The following RAD54B variants were observed in gnomAD, a reference collection of about 807,000 sequenced individuals.
The protein encoded by RAD54B is RAD54 homolog B, also known as DNA repair and recombination protein RAD54B.
In RAD54B, 78 loss-of-function variants were observed where a neutral mutation model predicts 95.8. That is an observed-to-expected ratio of 0.81 (90% CI 0.68 to 0.98). The LOEUF (loss-of-function observed/expected upper bound fraction) is 0.98, where lower values mean the gene tolerates loss of function less well. RAD54B is among the 50% of genes least tolerant of loss of function. The probability of loss-of-function intolerance (pLI) is 0.00; values close to 1 mark genes in which losing one functional copy is unlikely to be tolerated. For missense variants in RAD54B, 957 were observed against 1,056.6 expected (o/e 0.91, Z 1.31); for synonymous variants, 328 against 354.9 (o/e 0.92, Z 0.85).
intron 8 of RAD54B, among the ~76,000 whole-genome samples, chr8:94,395,611 G>C (rs761734768): frequency 6.6e-6 from 1 of 152,144 alleles, no homozygotes; most frequent in Non-Finnish European, 1.5e-5. Context: ...CAGAAAAGGA[G>C]AGCTAGAAAG....
intron 3 of RAD54B, chr8:94,429,614 C>A (rs1416125913): frequency 2.0e-6 from 2 of 983,368 alleles, no homozygotes; most frequent in African/African-American, 3.5e-5. Context: ...GATGTGTTTA[C>A]TAGAATTATA....
intron 10 of RAD54B, among the ~76,000 whole-genome samples, chr8:94,388,352 CT>C: frequency 6.6e-6 from 1 of 152,194 alleles, no homozygotes; most frequent in South Asian, 2.1e-4. Flanking sequence ...ATAACATTTT[CT>C]TTTTATAGCT....
Position 94,467,488 on chromosome 8 carries a change from G to GT in RAD54B, c.51dup (p.Pro18ThrfsTer10). 6.2e-7 allele frequency: 1 copy of GT among 1,613,650 alleles called. No individual in the cohort carries two copies. The highest frequency in any genetic ancestry group is 8.5e-7 in the Non-Finnish European group (1 of 1,179,950). On this transcript the variant is annotated frameshift_variant, in exon 2 of 15. Coordinates refer to ENST00000336148, the MANE Select transcript of RAD54B (RefSeq NM_012415.3). LOFTEE classifies it high-confidence loss of function. Reference sequence around the variant, plus strand: ...CTTCTTCCTGGAGGTATAAATTTTGGTTTTTTGAAGGAATTCCCCTGCAAC... The same window carrying GT: ...CTTCTTCCTGGAGGTATAAATTTTGGTTTTTTTGAAGGAATTCCCCTGCAAC...
At chr8:94,436,612 T>G in intron 3 of RAD54B, 2 of 1,550,578 alleles carry the variant, frequency 1.3e-6, no homozygotes, top group East Asian at 4.9e-5. Flanking sequence ...GGTCTCTTTT[T>G]GCTGCAATAG....
chr8:94,435,967 T>C (rs1339403294), intron 3 of RAD54B, among the ~76,000 whole-genome samples: 1 of 152,148 alleles, frequency 6.6e-6, no homozygotes, highest in Non-Finnish European at 1.5e-5. Context: ...TGTCTTCATA[T>C]ACACAATCAT....
At chr8:94,444,674 T>C (rs537279860) in intron 3 of RAD54B, among the ~76,000 whole-genome samples, 1 of 152,282 alleles carries the variant, frequency 6.6e-6, no homozygotes, top group South Asian at 2.1e-4. Context: ...AGCCTCCTTT[T>C]GAGCTCCAGT....
intron 3 of RAD54B, among the ~76,000 whole-genome samples, chr8:94,435,403 GT>G (rs1249855187): frequency 6.6e-6 from 1 of 151,932 alleles, no homozygotes; most frequent in Non-Finnish European, 1.5e-5. Flanking sequence ...CTACAAAGTG[GT>G]TTTTTTCTGC....
intron 4 of RAD54B, among the ~76,000 whole-genome samples, chr8:94,410,865 T>C (rs1045224415): frequency 2.0e-5 from 3 of 152,256 alleles, no homozygotes; most frequent in African/African-American, 7.2e-5. Context: ...TAACTATATA[T>C]AGCTGGCTGG....
In RAD54B at chr8:94,411,316, CT is replaced by C; in HGVS notation, c.305-2del. 1 of 1,547,912 alleles carries C rather than the reference CT, an allele frequency of 6.5e-7. No individual in the cohort carries two copies. The highest frequency in any genetic ancestry group is 8.6e-7 in the Non-Finnish European group (1 of 1,157,742). The stretch of plus-strand genomic sequence containing the variant: ...GCTACTTCTTTAGGAGCCGAATGAA[CT>C]ACAATTAAAAAAAAAACACACATTA... On this transcript the variant is annotated splice_acceptor_variant, in intron 3 of 14. Coordinates refer to ENST00000336148, the MANE Select transcript of RAD54B (RefSeq NM_012415.3). LOFTEE classifies it high-confidence loss of function.
At chr8:94,407,386 A>G in intron 5 of RAD54B, 53 bp downstream of exon 5, 4 of 1,513,990 alleles carry the variant, frequency 2.6e-6, no homozygotes, top group African/African-American at 2.8e-5. Context: ...TTCACACACA[A>G]AAAACATTTT....
chr8:94,472,801 T>C (rs1037893350), intron 1 of RAD54B, among the ~76,000 whole-genome samples: 11 of 152,220 alleles, frequency 7.2e-5, no homozygotes, highest in Non-Finnish European at 1.6e-4. Flanking sequence ...ATGCTAAAAT[T>C]TCTTTCAACA....
chr8:94,458,173 T>C (rs1294844535), intron 3 of RAD54B, 95 bp downstream of exon 3: 3 of 1,215,558 alleles, frequency 2.5e-6, no homozygotes, highest in Non-Finnish European at 3.4e-6. Context: ...ATCAACAATT[T>C]TCTAATATAA....
intron 11 of RAD54B, among the ~76,000 whole-genome samples, chr8:94,382,367 C>G (rs1206348012): frequency 6.6e-6 from 1 of 152,060 alleles, no homozygotes; most frequent in Non-Finnish European, 1.5e-5. Flanking sequence ...TAGAAAACAA[C>G]ATGTAAAGCA....
At chr8:94,467,583 T>A (rs1158988070) in intron 1 of RAD54B, 28 bp from the exon 2 acceptor site, 1 of 1,573,108 alleles carries the variant, frequency 6.4e-7, no homozygotes, top group Non-Finnish European at 8.6e-7. Context: ...CAGTTAACTA[T>A]CCACGAATCT....
intron 5 of RAD54B, among the ~76,000 whole-genome samples, chr8:94,405,096 G>C (rs1433153673): frequency 6.6e-6 from 1 of 152,170 alleles, no homozygotes; most frequent in East Asian, 1.9e-4. Context: ...TTAAAGGCAT[G>C]AGCCACTGCA....
At chr8:94,427,584 T>C (rs576338402) in intron 3 of RAD54B, 7 of 338,862 alleles carry the variant, frequency 2.1e-5, no homozygotes, top group Non-Finnish European at 2.5e-5. Flanking sequence ...TATTTAGATA[T>C]GGTACATTGG....
chr8:94,386,582 GTGTGTGTGTGTGCA>G (rs1164571281), intron 11 of RAD54B, among the ~76,000 whole-genome samples: 5 of 138,976 alleles, frequency 3.6e-5, no homozygotes, highest in Admixed American at 1.5e-4. Flanking sequence ...ATGGTTGTGT[GTGTGTGTGTGTGCA>G]TGTGTGTGTG....
chr8:94,467,459 A>G lies in RAD54B; in HGVS notation c.81T>C (p.Asn27=), dbSNP rs1187538901. The G allele has an allele frequency of 6.2e-7, 1 of 1,613,584 alleles. No individual in the cohort carries two copies. Among genetic ancestry groups the G allele is most frequent in the East Asian group, 2.2e-5 (1 of 44,878 alleles). ...TTGTAATCTCTTCATTCAGACCTGG[A>G]TTACTTCTTCCTGGAGGTATAAATT... The part of the protein sequence containing the change: ...KPKFIPPGRS[N]PGLNEEITKL... The change falls in exon 2 of 15, where the codon AAT becomes AAC. Residue 27 remains asparagine (N), a synonymous_variant. Transcript: ENST00000336148.
chr8:94,460,007 A>T (rs1443087630), intron 2 of RAD54B, among the ~76,000 whole-genome samples: 1 of 151,130 alleles, frequency 6.6e-6, no homozygotes, highest in Non-Finnish European at 1.5e-5. Flanking sequence ...AAATACAAAA[A>T]ATAAGCTGGG....
Sources: allele counts gnomAD v4.1 joint callset (sites outside exome capture counted in the v4.1 genomes callset), GRCh38; gene constraint gnomAD v4.1.1; transcripts MANE v1.5; gene names NCBI Gene and HGNC (gene_info 2026-07-23, HGNC 2026-07-21).